Variants in BCAS3 observed in about 807,000 individuals in gnomAD.
BCAS3 encodes BCAS3 microtubule associated cell migration factor.
In BCAS3, 53 loss-of-function variants were observed where a neutral mutation model predicts 116.1. The observed-to-expected ratio is 0.46, with a 90% CI of 0.37 to 0.57. The LOEUF is 0.57. BCAS3 is among the 20% of genes least tolerant of loss of function. The pLI is 0.00. For synonymous variants in BCAS3, 391 were observed against 408.2 expected, an observed-to-expected ratio of 0.96 and a Z score of 0.51; for missense variants, 917 against 1,165.4, an observed-to-expected ratio of 0.79 and a Z score of 3.10.
intron 22 of BCAS3, among the ~76,000 whole-genome samples, chr17:61,357,390 A>G (rs1458784584): frequency 6.7e-6 from 1 of 149,754 alleles, no homozygotes; most frequent in Non-Finnish European, 1.5e-5. Context: ...TGATTGCACC[A>G]CTGCACTCCA....
chr17:61,269,660 G>A (rs2050065113), intron 22 of BCAS3, among the ~76,000 whole-genome samples: 1 of 152,068 alleles, frequency 6.6e-6, no homozygotes, highest in Non-Finnish European at 1.5e-5. Flanking sequence ...ATGGGTGTGA[G>A]GTGATCTACC....
At chr17:61,318,698 T>C (rs1330436085) in intron 22 of BCAS3, among the ~76,000 whole-genome samples, 2 of 152,170 alleles carry the variant, frequency 1.3e-5, no homozygotes, top group East Asian at 1.9e-4. Flanking sequence ...CCAGCCAGAG[T>C]TGTCCACCTG....
intron 4 of BCAS3, among the ~76,000 whole-genome samples, chr17:60,707,637 A>G (rs888794404): frequency 2.0e-5 from 3 of 152,242 alleles, no homozygotes; most frequent in Non-Finnish European, 2.9e-5. Flanking sequence ...GTCTTTTACC[A>G]TAAATATGGT....
chr17:60,977,059 G>A (rs1319259851), intron 14 of BCAS3, among the ~76,000 whole-genome samples: 2 of 152,146 alleles, frequency 1.3e-5, no homozygotes, highest in South Asian at 2.1e-4. Context: ...TGGCGGCCGG[G>A]CGGGGGCTGC....
In BCAS3 at chr17:61,151,175, T is replaced by C. The variant is rs1385478124; in HGVS notation, c.2425+66611T>C. ...ATCTGAAATCTGGGATGCTCCAAAA[T>C]TCAAAACTTTTTTGAGTGAGTGCCA... On this transcript the variant is annotated intron_variant, in intron 22 of 23. Coordinates refer to ENST00000407086, the MANE Select transcript of BCAS3 (RefSeq NM_017679.5). This position sits in a 1 kb window ranked among gnomAD's most constrained non-coding sequence, Gnocchi z 4.8. Among the ~76,000 whole-genome samples, 3 of 152,240 alleles carry C rather than the reference T, an allele frequency of 2.0e-5. No individual in the cohort carries two copies. The highest frequency in any genetic ancestry group is 2.1e-4 in the South Asian group (1 of 4,836).
intron 22 of BCAS3, among the ~76,000 whole-genome samples, chr17:61,089,604 A>T (rs1219234100): frequency 7.5e-6 from 1 of 133,398 alleles, no homozygotes; most frequent in East Asian, 2.2e-4. Flanking sequence ...ATCTCAGCTC[A>T]CTGCAACCTC....
intron 23 of BCAS3, among the ~76,000 whole-genome samples, chr17:61,375,247 T>TGTGTGTGTGTGTGCGCGCGCGCGCGCAC (rs1555861861): frequency 7.7e-6 from 1 of 129,828 alleles, no homozygotes; most frequent in African/African-American, 4.5e-5. Flanking sequence ...TGTGTGTGTG[T>TGTGTGTGTGTGTGCGCGCGCGCGCGCAC]GTGTGTGTAC....
intron 22 of BCAS3, among the ~76,000 whole-genome samples, chr17:61,294,342 A>T (rs1398276439): frequency 6.6e-6 from 1 of 152,166 alleles, no homozygotes; most frequent in East Asian, 1.9e-4. Flanking sequence ...AGGGACAAGG[A>T]ACTTCCCACC....
chr17:60,790,103 A>G (rs2046629899), intron 6 of BCAS3, among the ~76,000 whole-genome samples: 1 of 152,066 alleles, frequency 6.6e-6, no homozygotes, highest in African/African-American at 2.4e-5. Context: ...TTTATTTTGT[A>G]GTTTAAAATT....
At chr17:60,980,493 C>CATTCATT (rs2062732697) in intron 14 of BCAS3, 1 of 149,724 alleles carries the variant, frequency 6.7e-6, no homozygotes, top group Admixed American at 6.6e-5. Flanking sequence ...TACTTTCCCT[C>CATTCATT]ATTCATTTTA....
In BCAS3 at chr17:61,128,537, C is replaced by T. The variant is rs1436497191; in HGVS notation, c.2425+43973C>T. 3 of 985,148 alleles carry T rather than the reference C, an allele frequency of 3.0e-6. No homozygotes were observed. The highest frequency in any genetic ancestry group is 3.6e-6 in the Non-Finnish European group (3 of 829,864). 61.0% of individuals were successfully genotyped at this position (985,148 alleles called of 1,614,324 possible). A position where few individuals can be genotyped will look rare whatever the true frequency, so the allele number is the denominator to read the frequency against. On this transcript the variant is annotated intron_variant, in intron 22 of 23. Transcript: ENST00000407086. This position sits in a 1 kb window ranked among gnomAD's most constrained non-coding sequence, Gnocchi z 4.1. The stretch of plus-strand genomic sequence containing the variant: ...CCTTCCGTTCTTCTCTATCCCAAAT[C>T]GTTTGAATCGTTTGACTGCTATACA...
chr17:60,919,433 C>T (rs1397102055), intron 12 of BCAS3, among the ~76,000 whole-genome samples: 8 of 152,070 alleles, frequency 5.3e-5, no homozygotes, highest in Non-Finnish European at 7.4e-5. Flanking sequence ...TTAAGTGATT[C>T]TTCTGCTCAG....
chr17:61,263,170 G>C (rs896315222), intron 22 of BCAS3, among the ~76,000 whole-genome samples: 3 of 152,188 alleles, frequency 2.0e-5, no homozygotes, highest in African/African-American at 7.2e-5. Context: ...CAAAGGTGTG[G>C]ACAAAGCTTA....
chr17:61,238,333 C>T (rs2144488255), intron 22 of BCAS3, among the ~76,000 whole-genome samples: 1 of 152,070 alleles, frequency 6.6e-6, no homozygotes, highest in Non-Finnish European at 1.5e-5. Flanking sequence ...AGCGATTTTC[C>T]TGCCTCAACC....
intron 22 of BCAS3, among the ~76,000 whole-genome samples, chr17:61,100,899 G>A (rs2074285999): frequency 6.6e-6 from 1 of 152,108 alleles, no homozygotes; most frequent in Non-Finnish European, 1.5e-5. Flanking sequence ...AAGATGCTGA[G>A]GTTAAGAGAT....
rs2143625102 is a variant in BCAS3 at position 61,382,000 on chromosome 17, A to G, written c.2594-9977A>G. On this transcript the variant is annotated intron_variant, in intron 23 of 23. Transcript: ENST00000407086. The surrounding 1 kb of genome is among the most constrained non-coding windows in gnomAD (Gnocchi z 6.0). ...TTAACTTTCAGGACAGCTTGTTTCAAAATGAAAAATACCCCCACTTATTAA... is the reference window on the plus strand; with the variant it reads ...TTAACTTTCAGGACAGCTTGTTTCAGAATGAAAAATACCCCCACTTATTAA... Among the ~76,000 whole-genome samples the G allele has an allele frequency of 6.6e-6, 1 of 152,238 alleles. No individual in the cohort carries two copies. The highest frequency in any genetic ancestry group is 2.4e-5 in the African/African-American group (1 of 41,536).
Position 61,391,985 on chromosome 17 carries a change from C to G in BCAS3, c.2602C>G (p.Arg868Gly), listed in dbSNP as rs760512310. 1 of 1,613,416 alleles carries G rather than the reference C, an allele frequency of 6.2e-7. No homozygotes were observed. The highest frequency in any genetic ancestry group is 1.3e-5 in the African/African-American group (1 of 74,902). Residue 868 changes from arginine (R) to glycine (G), a missense_variant, in exon 24 of 24, where the codon CGA (arginine) becomes GGA (glycine). This residue lies in a region of BCAS3 where 109 missense variants were observed against 122.8 expected (regional missense o/e 0.89). Transcript: ENST00000407086. This position sits in a 1 kb window ranked among gnomAD's most constrained non-coding sequence, Gnocchi z 7.7. ...DVVGSGTELQ[R>G]EGSIETLSNS... ...TCTCCTGTGTCTTGCAGAACTTCAGCGAGAGGGAAGCATCGAGACTCTGAG... is the reference window on the plus strand; with the variant it reads ...TCTCCTGTGTCTTGCAGAACTTCAGGGAGAGGGAAGCATCGAGACTCTGAG...
chr17:60,710,198 A>G (rs765158509), intron 5 of BCAS3, among the ~76,000 whole-genome samples: 1 of 152,100 alleles, frequency 6.6e-6, no homozygotes, highest in Non-Finnish European at 1.5e-5. Context: ...ACCTTTAATA[A>G]TTGTATTCAG....
In BCAS3 at chr17:61,285,231, T is replaced by TTGTGTGTGTG. The variant is rs371178241; in HGVS notation, c.2426-83078_2426-83069dup. ...GTTTTGCTTTTCCCCTCCTCCTAGG[T>TTGTGTGTGTG]TGTGTGTGTGTGTGTGTGTGTGTGT... On this transcript the variant is annotated intron_variant, in intron 22 of 23. Transcript: ENST00000407086. The surrounding 1 kb of genome is among the most constrained non-coding windows in gnomAD (Gnocchi z 5.4). Among the ~76,000 whole-genome samples, 841 of 140,080 alleles carry TTGTGTGTGTG rather than the reference T, an allele frequency of 6.0e-3. 3 individuals carry two copies. The highest frequency in any genetic ancestry group is 0.023 in the African/African-American group (765 of 32,938). 91.9% of individuals were successfully genotyped at this position (140,080 alleles called of 152,430 possible). A position where few individuals can be genotyped will look rare whatever the true frequency, so the allele number is the denominator to read the frequency against.
Sources: gnomAD v4.1 joint callset for allele counts (sites outside exome capture counted in the v4.1 genomes callset) on GRCh38, gnomAD v4.1.1 for gene constraint, gnomAD v4.1.1 regional missense constraint, Gnocchi (gnomAD v3.1) non-coding constraint, MANE v1.5 for transcripts, NCBI Gene and HGNC (gene_info 2026-07-23, HGNC 2026-07-21) for gene names.